The following VPS13C variants were observed in gnomAD, a reference collection of about 807,000 sequenced individuals.
VPS13C encodes vacuolar protein sorting 13 homolog C, also known as intermembrane lipid transfer protein VPS13C.
In VPS13C, 358 loss-of-function variants were observed where a neutral mutation model predicts 456.8. That is an observed-to-expected ratio of 0.78 (90% CI 0.72 to 0.86). The LOEUF is 0.86. Ranked by LOEUF, VPS13C falls within the 40% of genes least tolerant of loss-of-function variation. The probability of loss-of-function intolerance (pLI) is 0.00; values close to 1 mark genes in which losing one functional copy is unlikely to be tolerated. For synonymous variants in VPS13C, 1,578 were observed against 1,486.7 expected, an observed-to-expected ratio of 1.06 and a Z score of -1.41; for missense variants, 4,818 against 4,385.4, an observed-to-expected ratio of 1.10 and a Z score of -2.79.
At chr15:61,946,283 T>C (rs1052804054) in intron 44 of VPS13C, 24 bp downstream of exon 44, 36 of 1,527,834 alleles carry the variant, frequency 2.4e-5, no homozygotes, top group Admixed American at 2.0e-4. Context: ...TAAATTCCAA[T>C]ATAAAAATCT....
intron 16 of VPS13C, among the ~76,000 whole-genome samples, chr15:61,996,106 T>C (rs1478506941): frequency 6.6e-6 from 1 of 152,106 alleles, no homozygotes; most frequent in Non-Finnish European, 1.5e-5. Context: ...GGGATATCTC[T>C]TAATTCTGTA....
chr15:62,039,954 A>G (rs1323422929), intron 3 of VPS13C, among the ~76,000 whole-genome samples: 2 of 152,172 alleles, frequency 1.3e-5, no homozygotes, highest in African/African-American at 4.8e-5. Flanking sequence ...TTTGGAAGCA[A>G]CCTAAGTGTC....
intron 20 of VPS13C, 67 bp downstream of exon 20, chr15:61,983,753 A>G (rs893999964): frequency 6.7e-7 from 1 of 1,483,410 alleles, no homozygotes; most frequent in Middle Eastern, 1.8e-4. Context: ...AAGAGGAGAA[A>G]TAAGAAAACA....
chr15:61,969,370 G>A lies in VPS13C; in HGVS notation c.2840C>T (p.Thr947Ile). ...FNVTQLGTEA[T>I]MRTFDLTVVS... Reference sequence around the variant, plus strand: ...CACAGTTAAGTCAAATGTTCTCATTGTGGCCTCTGTTCCTAACTGAGTAAC... The same window carrying A: ...CACAGTTAAGTCAAATGTTCTCATTATGGCCTCTGTTCCTAACTGAGTAAC... The change falls in exon 28 of 85, where the codon ACA (threonine) becomes ATA (isoleucine). Residue 947 changes from threonine to isoleucine, a missense_variant. Physicochemically the swap from Thr to Ile is moderately conservative, Grantham distance 89. Coordinates refer to ENST00000644861, the MANE Select transcript of VPS13C (RefSeq NM_020821.3). 7 of 1,602,150 alleles carry A rather than the reference G, an allele frequency of 4.4e-6. No homozygotes were observed. Among genetic ancestry groups the A allele is most frequent in the Admixed American group, 1.7e-5 (1 of 58,356 alleles).
At chr15:61,966,405 T>C (rs1177245697) in intron 29 of VPS13C, among the ~76,000 whole-genome samples, 1 of 151,818 alleles carries the variant, frequency 6.6e-6, no homozygotes, top group Non-Finnish European at 1.5e-5. Context: ...ACTCTGAAGG[T>C]TGTAAGGTGT....
intron 15 of VPS13C, among the ~76,000 whole-genome samples, chr15:62,006,097 CTTAT>C (rs1342777392): frequency 1.7e-5 from 2 of 120,556 alleles, no homozygotes; most frequent in African/African-American, 5.5e-5. Context: ...TAAAGAAATT[CTTAT>C]TTTTTTTTTA....
chr15:62,041,152 T>C (rs2048228745), intron 3 of VPS13C, among the ~76,000 whole-genome samples, 172 bp downstream of exon 3: 1 of 152,162 alleles, frequency 6.6e-6, no homozygotes, highest in African/African-American at 2.4e-5. Flanking sequence ...AAAAGAAGTA[T>C]GTACGTTTTA....
intron 6 of VPS13C, 45 bp downstream of exon 6, chr15:62,028,313 A>G: frequency 6.3e-7 from 1 of 1,596,920 alleles, no homozygotes; most frequent in Non-Finnish European, 8.6e-7. Flanking sequence ...AGCATACACA[A>G]GAATATGTTT....
Position 61,922,773 on chromosome 15 carries a change from G to C in VPS13C, c.6610-11C>G. The C allele has an allele frequency of 1.3e-6, 2 of 1,544,490 alleles. No individual in the cohort carries two copies. Among genetic ancestry groups the C allele is most frequent in the South Asian group, 1.3e-5 (1 of 78,084 alleles). On this transcript the variant is annotated splice_polypyrimidine_tract_variant and intron_variant, in intron 53 of 84. Coordinates refer to ENST00000644861, the MANE Select transcript of VPS13C (RefSeq NM_020821.3). ...AATTATGGGTGAAATCTTTAAAAAA[G>C]AAAGCAGAAAAATATTTATAATAAA...
chr15:62,028,549 G>A, intron 5 of VPS13C, 129 bp from the exon 6 acceptor site: 1 of 863,834 alleles, frequency 1.2e-6, no homozygotes, highest in South Asian at 1.9e-5. Context: ...ATTAAAATTT[G>A]GTGACACCAA....
At chr15:61,919,562 T>C (rs1422577938) in intron 57 of VPS13C, 113 bp from the exon 58 acceptor site, 3 of 1,096,620 alleles carry the variant, frequency 2.7e-6, no homozygotes, top group Non-Finnish European at 3.6e-6. Flanking sequence ...TCACTAGAAA[T>C]GATCACCACA....
At chr15:62,009,688 C>T (rs1289911859) in intron 13 of VPS13C, among the ~76,000 whole-genome samples, 3 of 152,122 alleles carry the variant, frequency 2.0e-5, no homozygotes, top group African/African-American at 2.4e-5. Flanking sequence ...CAGAATTGTA[C>T]AAAAAAGCTA....
intron 24 of VPS13C, among the ~76,000 whole-genome samples, chr15:61,976,211 G>C (rs1309739145): frequency 6.6e-6 from 1 of 151,926 alleles, no homozygotes. Flanking sequence ...AGGTTAATCG[G>C]TAATGAAAAG....
At chr15:62,001,949 T>G (rs2046636495) in intron 15 of VPS13C, among the ~76,000 whole-genome samples, 1 of 152,222 alleles carries the variant, frequency 6.6e-6, no homozygotes, top group Non-Finnish European at 1.5e-5. Context: ...TCCGAGTCTT[T>G]GCTATTGTGA....
chr15:61,984,909 T>C lies in VPS13C; in HGVS notation c.1669A>G (p.Ile557Val). 6.2e-7 allele frequency: 1 copy of C among 1,612,912 alleles called. No homozygotes were observed. ...GATACTTGAGTGCCCAGGCCAATTA[T>C]CTGAATTTTTAGTATTTCTGGAATA... ...KNIPEILKIQ[I>V]IGLGTQVSQR... is the part of the protein sequence containing the mutation. The change falls in exon 19 of 85, where the codon ATA (isoleucine) becomes GTA (valine). Residue 557 changes from isoleucine to valine, a missense_variant. Ile to Val is a conservative substitution (Grantham distance 29). Transcript: ENST00000644861.
At chr15:61,868,008 G>A (rs956038441) in intron 81 of VPS13C, 28 of 1,134,030 alleles carry the variant, frequency 2.5e-5, no homozygotes, top group South Asian at 3.9e-5. Flanking sequence ...TAGATAAAAC[G>A]TAATCATATA....
intron 23 of VPS13C, 105 bp downstream of exon 23, chr15:61,978,521 G>A: frequency 7.4e-7 from 1 of 1,352,368 alleles, no homozygotes. Context: ...GAATATGTGT[G>A]CAAAATGGTT....
At chr15:61,975,009 C>A (rs1278846044) in intron 24 of VPS13C, among the ~76,000 whole-genome samples, 1 of 152,054 alleles carries the variant, frequency 6.6e-6, no homozygotes, top group Non-Finnish European at 1.5e-5. Context: ...AGCCTTGTGG[C>A]AGCTAGTCAT....
In VPS13C at chr15:61,874,927, A is replaced by G; in HGVS notation, c.10363T>C (p.Phe3455Leu). The G allele has an allele frequency of 1.9e-6, 3 of 1,590,020 alleles. No individual in the cohort carries two copies. The highest frequency in any genetic ancestry group is 2.6e-6 in the Non-Finnish European group (3 of 1,169,944). The change falls in exon 77 of 85, where the codon TTT (phenylalanine) becomes CTT (leucine). Residue 3455 changes from phenylalanine to leucine, a missense_variant. Phe to Leu is a conservative substitution (Grantham distance 22). Transcript: ENST00000644861. The part of the protein sequence containing the change: ...FQGAVQGPEE[F>L]AEGLVIGVRS... ...ACTCCAATCACTAACCCCTCTGCAA[A>G]TTCTTCAGGGCCTTGAACAGCACCC... is the stretch of plus-strand genomic sequence containing the variant.
Sources: allele counts gnomAD v4.1 joint callset (sites outside exome capture counted in the v4.1 genomes callset), GRCh38; gene constraint gnomAD v4.1.1; transcripts MANE v1.5; gene names NCBI Gene and HGNC (gene_info 2026-07-23, HGNC 2026-07-21).